Variants in ATRN observed in about 807,000 individuals in gnomAD.
ATRN encodes the protein attractin.
Under a neutral mutation model 178.7 loss-of-function variants are expected in ATRN, and 54 were observed. The observed-to-expected ratio is 0.30, with a 90% confidence interval of 0.24 to 0.38. The LOEUF is 0.38. ATRN is among the 10% of genes least tolerant of loss of function. ATRN has a pLI of 1.00. For synonymous variants in ATRN, 636 were observed against 663.0 expected (o/e 0.96, Z 0.63); for missense variants, 1,443 against 1,815.1 (o/e 0.79, Z 3.73).
intron 5 of ATRN, among the ~76,000 whole-genome samples, chr20:3,548,898 G>T (rs1022576712): frequency 6.6e-6 from 1 of 152,048 alleles, no homozygotes; most frequent in Non-Finnish European, 1.5e-5. Flanking sequence ...TTATTTATCT[G>T]TGCTTTCTCC....
chr20:3,622,031 A>G (rs568725331), intron 24 of ATRN, among the ~76,000 whole-genome samples: 15 of 152,338 alleles, frequency 9.8e-5, no homozygotes, highest in East Asian at 5.8e-4. Flanking sequence ...TCTGTCTTCA[A>G]TCCTCACAGA....
intron 11 of ATRN, among the ~76,000 whole-genome samples, chr20:3,569,824 G>A (rs920669649): frequency 3.9e-5 from 6 of 152,008 alleles, no homozygotes; most frequent in African/African-American, 7.2e-5. Context: ...TAATCCCAGC[G>A]CTTTGGGAGG....
intron 22 of ATRN, among the ~76,000 whole-genome samples, chr20:3,598,240 T>A (rs1381429503): frequency 2.0e-5 from 3 of 152,204 alleles, no homozygotes; most frequent in Non-Finnish European, 2.9e-5. Flanking sequence ...ATTCCACGCA[T>A]ACTTACTCTG....
At chr20:3,486,314 C>T in intron 1 of ATRN, among the ~76,000 whole-genome samples, 1 of 152,292 alleles carries the variant, frequency 6.6e-6, no homozygotes, top group Middle Eastern at 3.4e-3. Flanking sequence ...CCTCCTCCCA[C>T]CAGCCAGCAT....
intron 2 of ATRN, among the ~76,000 whole-genome samples, chr20:3,538,926 T>C (rs922180340): frequency 1.3e-5 from 2 of 152,242 alleles, no homozygotes; most frequent in Non-Finnish European, 2.9e-5. Flanking sequence ...AAGACTGTGC[T>C]GTTCCCTCCG....
At chr20:3,544,095 C>T (rs2085663245) in intron 3 of ATRN, among the ~76,000 whole-genome samples, 1 of 152,156 alleles carries the variant, frequency 6.6e-6, no homozygotes, top group African/African-American at 2.4e-5. Flanking sequence ...CCCTTCCCCT[C>T]CTCATTTTCA....
Position 3,471,157 on chromosome 20 carries a change from C to T in ATRN, c.50C>T (p.Ala17Val). Residue 17 changes from alanine (A) to valine (V), a missense_variant, in exon 1 of 29, where the codon GCG becomes GTG. Transcript: ENST00000262919. Reference sequence around the variant, plus strand: ...GAGGCAAGGCTGAGGAGGAGGACGGCGGCGACGGCAGCGCTCGCGGGCAGG... The same window carrying T: ...GAGGCAAGGCTGAGGAGGAGGACGGTGGCGACGGCAGCGCTCGCGGGCAGG... Reference protein sequence around the residue: ...ATEARLRRRTAATAALAGRSG... With the variant: ...ATEARLRRRTVATAALAGRSG... 6.6e-7 allele frequency: 1 copy of T among 1,506,216 alleles called. No individual in the cohort carries two copies. Among genetic ancestry groups the T allele is most frequent in the South Asian group, 1.2e-5 (1 of 81,788 alleles). 93.3% of individuals were successfully genotyped at this position (1,506,216 alleles called of 1,614,324 possible). A position where few individuals can be genotyped will look rare whatever the true frequency, so the allele number is the denominator to read the frequency against.
chr20:3,504,746 C>T (rs1273493955), intron 1 of ATRN, among the ~76,000 whole-genome samples: 1 of 148,466 alleles, frequency 6.7e-6, no homozygotes, highest in African/African-American at 2.5e-5. Flanking sequence ...AATAGACTGC[C>T]CCTTTCCTCC....
intron 24 of ATRN, among the ~76,000 whole-genome samples, chr20:3,622,867 A>G (rs1326326349): frequency 6.6e-6 from 1 of 152,254 alleles, no homozygotes; most frequent in African/African-American, 2.4e-5. Context: ...GCAAGAAATC[A>G]GGCTAATAAC....
chr20:3,487,980 G>A (rs1315476354), intron 1 of ATRN, among the ~76,000 whole-genome samples: 5 of 152,098 alleles, frequency 3.3e-5, no homozygotes, highest in Non-Finnish European at 7.4e-5. Context: ...AGGCCTCAGT[G>A]TCTTCCTTTT....
At chr20:3,556,397 C>G (rs1164518514) in intron 6 of ATRN, among the ~76,000 whole-genome samples, 3 of 152,290 alleles carry the variant, frequency 2.0e-5, no homozygotes, top group African/African-American at 7.2e-5. Context: ...TGGGAGGCCT[C>G]AGGTAGTTCT....
chr20:3,478,811 TCTGTGTTTGC>T (rs2084571504), intron 1 of ATRN, among the ~76,000 whole-genome samples: 6 of 152,160 alleles, frequency 3.9e-5, no homozygotes, highest in Admixed American at 3.3e-4. Context: ...TCGTAGTTTT[TCTGTGTTTGC>T]TAAATTCAGC....
intron 20 of ATRN, among the ~76,000 whole-genome samples, chr20:3,595,974 GT>G (rs1196758056): frequency 6.6e-6 from 1 of 152,192 alleles, no homozygotes; most frequent in Non-Finnish European, 1.5e-5. Flanking sequence ...TCTCACTTGT[GT>G]TTAAAGAAGA....
chr20:3,566,680 G>A (rs974667558), intron 11 of ATRN, among the ~76,000 whole-genome samples: 18 of 152,074 alleles, frequency 1.2e-4, no homozygotes, highest in Admixed American at 3.3e-4. Context: ...GAGGAGGGCC[G>A]ATCACTTGAG....
At chr20:3,494,834 G>T (rs1214100362) in intron 1 of ATRN, among the ~76,000 whole-genome samples, 1 of 152,096 alleles carries the variant, frequency 6.6e-6, no homozygotes, top group Non-Finnish European at 1.5e-5. Context: ...TGGAGACCTT[G>T]ATCTAGCCAG....
rs1033157084 is a variant in ATRN, at chr20:3,649,449, C to T, written c.*2602C>T. ...GCCATATGCTGGATATCCAGGTTCT[C>T]GCCAGGCCCCGATACATGAATAACA... On this transcript the variant is annotated 3_prime_UTR_variant, in exon 29 of 29. Transcript: ENST00000262919. 2 of 152,342 alleles carry T rather than the reference C, an allele frequency of 1.3e-5. No individual in the cohort carries two copies. The highest frequency in any genetic ancestry group is 4.8e-5 in the African/African-American group (2 of 41,408). 9.4% of individuals were successfully genotyped at this position (152,342 alleles called of 1,614,324 possible).
intron 19 of ATRN, among the ~76,000 whole-genome samples, chr20:3,591,698 T>C (rs1206587112): frequency 2.0e-5 from 3 of 151,900 alleles, no homozygotes; most frequent in Non-Finnish European, 4.4e-5. Context: ...GTTCCAGCAG[T>C]ATATGGACAC....
At chr20:3,490,877 T>A (rs1174108864) in intron 1 of ATRN, 2 of 931,442 alleles carry the variant, frequency 2.1e-6, no homozygotes, top group Non-Finnish European at 3.6e-6. Flanking sequence ...TATACCTATC[T>A]TGCATGGCCT....
At chr20:3,600,616 A>T (rs997910186) in intron 22 of ATRN, among the ~76,000 whole-genome samples, 5 of 152,144 alleles carry the variant, frequency 3.3e-5, no homozygotes, top group African/African-American at 7.2e-5. Flanking sequence ...GAGAATCCTT[A>T]GGAGGGTGAT....
Sources: allele counts gnomAD v4.1 joint callset (sites outside exome capture counted in the v4.1 genomes callset), GRCh38; gene constraint gnomAD v4.1.1; transcripts MANE v1.5; gene names NCBI Gene and HGNC (gene_info 2026-07-23, HGNC 2026-07-21).